Variants in GPR151 observed in about 807,000 individuals in gnomAD.
GPR151 encodes G-protein coupled receptor PGR7.
In GPR151, 16 loss-of-function variants were observed where a neutral mutation model predicts 18.2. The ratio of observed to expected loss-of-function variants is 0.88; its 90% CI spans 0.60 to 1.34. The LOEUF (loss-of-function observed/expected upper bound fraction) is 1.34. Among genes scored for constraint, GPR151 ranks in the 40% most tolerant of loss-of-function variants. The pLI is 0.00. For missense variants in GPR151, 509 were observed against 504.3 expected, an observed-to-expected ratio of 1.01 and a Z score of -0.09; for synonymous variants, 202 against 191.2, an observed-to-expected ratio of 1.06 and a Z score of -0.47.
In GPR151 at chr5:146,513,279, C is replaced by A. The variant is rs1477462824; in HGVS notation, c.*1575G>T. The stretch of plus-strand genomic sequence containing the variant: ...ATATCACAAGACAATATTTTGGATT[C>A]TTGGGTTAAATTTTACTTTATTTGA... On this transcript the variant is annotated 3_prime_UTR_variant, in exon 1 of 1. Transcript: ENST00000311104. 1 of 152,040 alleles carries A rather than the reference C, an allele frequency of 6.6e-6. No individual in the cohort carries two copies. The highest frequency in any genetic ancestry group is 1.5e-5 in the Non-Finnish European group (1 of 68,004). The allele number at this position is 152,040 out of a possible 1,614,324, so 9.4% of individuals were successfully genotyped here.
In GPR151 at chr5:146,515,184, C is replaced by G. The variant is rs746920278; in HGVS notation, c.930G>C (p.Ser310=). The change falls in exon 1 of 1, where the codon TCG becomes TCC. Residue 310 remains serine, a synonymous_variant. Coordinates refer to ENST00000311104, the MANE Select transcript of GPR151 (RefSeq NM_194251.3). ...CTTTCAAGCCTTCCCTGAACTCTTC[C>G]GACATCACAAGAAAAATGAGAGGAT... The part of the protein sequence containing the change: ...SANPLIFLVM[S]EEFREGLKGV... 2 of 1,614,040 alleles carry G rather than the reference C, an allele frequency of 1.2e-6. No individual in the cohort carries two copies. The highest frequency in any genetic ancestry group is 8.5e-7 in the Non-Finnish European group (1 of 1,180,004).
At position 146,516,158 on chromosome 5, in the gene GPR151, T is replaced by G. The variant is rs774363394; in HGVS notation, c.-45A>C. The G allele has an allele frequency of 1.3e-6, 2 of 1,542,744 alleles. No individual in the cohort carries two copies. Among genetic ancestry groups the G allele is most frequent in the Non-Finnish European group, 1.7e-6 (2 of 1,143,606 alleles). Reference sequence around the variant, plus strand: ...CAGAAGTTAGATTCTTATTTAGGTTTGTCTTTCTGCCTGGGCTCTTTTGCA... The same window carrying G: ...CAGAAGTTAGATTCTTATTTAGGTTGGTCTTTCTGCCTGGGCTCTTTTGCA... On this transcript the variant is annotated 5_prime_UTR_variant, in exon 1 of 1. Coordinates refer to ENST00000311104, the MANE Select transcript of GPR151 (RefSeq NM_194251.3).
In GPR151 at chr5:146,516,015, C is replaced by G; in HGVS notation, c.99G>C (p.Gln33His). 1 of 1,613,986 alleles carries G rather than the reference C, an allele frequency of 6.2e-7. No individual in the cohort carries two copies. Among genetic ancestry groups the G allele is most frequent in the Non-Finnish European group, 8.5e-7 (1 of 1,179,986 alleles). Residue 33 changes from glutamine to histidine, a missense_variant, in exon 1 of 1, where the codon CAG becomes CAC. Physicochemically the swap from Gln to His is conservative, Grantham distance 24 (BLOSUM62 0). Coordinates refer to ENST00000311104, the MANE Select transcript of GPR151 (RefSeq NM_194251.3). ...FAGGYLPSDS[Q>H]DWRTIIPALL... ...GAGCCGGGATGATGGTTCTCCAGTC[C>G]TGGGAATCAGAGGGCAGGTACCCTC...
In GPR151 at chr5:146,515,086, G is replaced by A; in HGVS notation, c.1028C>T (p.Ser343Leu). 6.2e-7 allele frequency: 1 copy of A among 1,614,164 alleles called. No homozygotes were observed. Among genetic ancestry groups the A allele is most frequent in the East Asian group, 2.2e-5 (1 of 44,882 alleles). ...SESQETPAGNSEGLPDKVPSP... is the reference protein window; with the variant it reads ...SESQETPAGNLEGLPDKVPSP... ...TGGAACCTTGTCAGGAAGACCCTCT[G>A]AGTTGCCAGCTGGTGTTTCCTGAGA... The change falls in exon 1 of 1, where the codon TCA becomes TTA. Residue 343 changes from serine (S) to leucine (L), a missense_variant. By Grantham distance (145) the Ser-to-Leu change is moderately radical. Transcript: ENST00000311104.
At position 146,514,928 on chromosome 5, in the gene GPR151, CTG is replaced by C. The variant is rs751926840; in HGVS notation, c.1184_1185del (p.Thr395SerfsTer8). ...GGGTCATTGTCCTGTACAGAAGGGA[CTG>C]TGTCCCTCTCATGCCAAAACTGCTC... is the stretch of plus-strand genomic sequence containing the variant. ...DVEQFWHERDTVPSVQDNDPI... is the reference protein window; with the variant it reads ...DVEQFWHERDXVPSVQDNDPI... On this transcript the variant is annotated frameshift_variant, in exon 1 of 1. Transcript: ENST00000311104. LOFTEE classifies it high-confidence loss of function. 251 of 1,613,780 alleles carry C rather than the reference CTG, an allele frequency of 1.6e-4. No individual in the cohort carries two copies. Among genetic ancestry groups the C allele is most frequent in the Non-Finnish European group, 2.0e-4 (234 of 1,179,662 alleles).
In GPR151 at chr5:146,516,090, G is replaced by A; in HGVS notation, c.24C>T (p.Asp8=). 4 of 1,612,306 alleles carry A rather than the reference G, an allele frequency of 2.5e-6. No individual in the cohort carries two copies. The highest frequency in any genetic ancestry group is 3.4e-6 in the Non-Finnish European group (4 of 1,179,276). ...ACACATTCATGCTGCTGGAGTTAGA[G>A]TCTGCAAAGGCAGCTGCCAGCATCA... The part of the protein sequence containing the change: MLAAAFA[D]SNSSSMNVSF... Residue 8 remains aspartate (D), a synonymous_variant, in exon 1 of 1, where the codon GAC becomes GAT. Transcript: ENST00000311104.
Position 146,515,153 on chromosome 5 carries a change from A to G in GPR151, c.961T>C (p.Trp321Arg), listed in dbSNP as rs1768584559. 1.9e-6 allele frequency: 3 copies of G among 1,614,070 alleles called. No homozygotes were observed. Among genetic ancestry groups the G allele is most frequent in the Non-Finnish European group, 2.5e-6 (3 of 1,179,996 alleles). Reference protein sequence around the residue: ...EEFREGLKGVWKWMITKKPPT... With the variant: ...EEFREGLKGVRKWMITKKPPT... Reference sequence around the variant, plus strand: ...GGTTTTTTGGTTATCATCCATTTCCATACACCTTTCAAGCCTTCCCTGAAC... The same window carrying G: ...GGTTTTTTGGTTATCATCCATTTCCGTACACCTTTCAAGCCTTCCCTGAAC... Residue 321 changes from tryptophan (W) to arginine (R), a missense_variant, in exon 1 of 1, where the codon TGG becomes CGG. Trp to Arg is a moderately radical substitution (Grantham distance 101). Transcript: ENST00000311104.
Position 146,514,729 on chromosome 5 carries a change from A to G in GPR151, c.*125T>C. 1.5e-6 allele frequency: 1 copy of G among 666,960 alleles called. No individual in the cohort carries two copies. The highest frequency in any genetic ancestry group is 2.5e-6 in the Non-Finnish European group (1 of 402,300). The allele number at this position is 666,960 out of a possible 1,614,324, so 41.3% of individuals were successfully genotyped here. A position where few individuals can be genotyped will look rare whatever the true frequency, so the allele number is the denominator to read the frequency against. ...CACATTGCACATTTGGAAAGTGTAGATTGTGAAATATTTTTATAATTCCTA... is the reference window on the plus strand; with the variant it reads ...CACATTGCACATTTGGAAAGTGTAGGTTGTGAAATATTTTTATAATTCCTA... On this transcript the variant is annotated 3_prime_UTR_variant, in exon 1 of 1. Transcript: ENST00000311104.
chr5:146,516,149 A>G lies in GPR151; in HGVS notation c.-36T>C, dbSNP rs372753205. On this transcript the variant is annotated 5_prime_UTR_variant, in exon 1 of 1. Coordinates refer to ENST00000311104, the MANE Select transcript of GPR151 (RefSeq NM_194251.3). ...AGCTTCTTACAGAAGTTAGATTCTT[A>G]TTTAGGTTTGTCTTTCTGCCTGGGC... 48 of 1,562,046 alleles carry G rather than the reference A, an allele frequency of 3.1e-5. No individual in the cohort carries two copies. In the African/African-American group the frequency reaches 3.7e-4, roughly 12 times the overall value.
chr5:146,515,864 C>A lies in GPR151; in HGVS notation c.250G>T (p.Asp84Tyr). 1 of 1,614,180 alleles carries A rather than the reference C, an allele frequency of 6.2e-7. No individual in the cohort carries two copies. The highest frequency in any genetic ancestry group is 8.5e-7 in the Non-Finnish European group (1 of 1,180,030). The part of the protein sequence containing the change: ...HSLILNLSLA[D>Y]LSLLLFSAPI... Reference sequence around the variant, plus strand: ...GCAGAAAACAGCAGGAGGGAGAGATCAGCCAGGCTGAGATTCAGAATCAGG... The same window carrying A: ...GCAGAAAACAGCAGGAGGGAGAGATAAGCCAGGCTGAGATTCAGAATCAGG... Residue 84 changes from aspartate (D) to tyrosine (Y), a missense_variant, in exon 1 of 1, where the codon GAT (aspartate) becomes TAT (tyrosine). By Grantham distance (160) the Asp-to-Tyr change is radical (BLOSUM62 -3). Transcript: ENST00000311104.
rs1287515919 is a variant in GPR151 at position 146,514,383 on chromosome 5, T to TA, written c.*470dup. ...GCATTAAAATTTATCATTAATGTGTTAAAAATCTCAAGTGAAAGTAGATTT... is the reference window on the plus strand; with the variant it reads ...GCATTAAAATTTATCATTAATGTGTTAAAAAATCTCAAGTGAAAGTAGATTT... On this transcript the variant is annotated 3_prime_UTR_variant, in exon 1 of 1. Coordinates refer to ENST00000311104, the MANE Select transcript of GPR151 (RefSeq NM_194251.3). The TA allele has an allele frequency of 2.6e-5, 4 of 154,684 alleles. No individual in the cohort carries two copies. The highest frequency in any genetic ancestry group is 5.7e-5 in the Non-Finnish European group (4 of 69,714). The allele number at this position is 154,684 out of a possible 1,614,324, so 9.6% of individuals were successfully genotyped here. A position where few individuals can be genotyped will look rare whatever the true frequency, so the allele number is the denominator to read the frequency against.
chr5:146,515,908 T>G lies in GPR151; in HGVS notation c.206A>C (p.Lys69Thr). ...GILLHNAWKGKPSMIHSLILN... is the reference protein window; with the variant it reads ...GILLHNAWKGTPSMIHSLILN... The stretch of plus-strand genomic sequence containing the variant: ...AATCAGGGAGTGGATCATGGATGGC[T>G]TTCCTTTCCAAGCATTGTGAAGGAG... Residue 69 changes from lysine (K) to threonine (T), a missense_variant, in exon 1 of 1, where the codon AAG (lysine) becomes ACG (threonine). Lys to Thr is a moderately conservative substitution (Grantham distance 78). Transcript: ENST00000311104. The G allele has an allele frequency of 6.2e-7, 1 of 1,614,080 alleles. No homozygotes were observed. The highest frequency in any genetic ancestry group is 1.1e-5 in the South Asian group (1 of 91,066).
rs764736941 is a variant in GPR151 at position 146,515,527 on chromosome 5, T to C, written c.587A>G (p.Glu196Gly). Residue 196 changes from glutamate (E) to glycine (G), a missense_variant, in exon 1 of 1, where the codon GAA (glutamate) becomes GGA (glycine). Glu to Gly is a moderately conservative substitution (Grantham distance 98, BLOSUM62 -2). Transcript: ENST00000311104. The stretch of plus-strand genomic sequence containing the variant: ...CTTACCAAACATCGACATAAACTCT[T>C]CAGCCACAGCTGGTACATCCACGAG... Reference protein sequence around the residue: ...MCLVDVPAVAEEFMSMFGKLY... With the variant: ...MCLVDVPAVAGEFMSMFGKLY... 1.4e-5 allele frequency: 22 copies of C among 1,614,044 alleles called. No homozygotes were observed. Among genetic ancestry groups the C allele is most frequent in the Admixed American group, 3.3e-5 (2 of 60,008 alleles).
chr5:146,515,571 A>G lies in GPR151; in HGVS notation c.543T>C (p.His181=), dbSNP rs760600394. The G allele has an allele frequency of 5.0e-6, 8 of 1,614,158 alleles. No homozygotes were observed. The East Asian group carries it at 1.3e-4, about 27-fold the overall frequency. The change falls in exon 1 of 1, where the codon CAT becomes CAC. Residue 181 remains histidine (H), a synonymous_variant. Coordinates refer to ENST00000311104, the MANE Select transcript of GPR151 (RefSeq NM_194251.3). ...PEWFFSTIRH[H]EGVEMCLVDV... The stretch of plus-strand genomic sequence containing the variant: ...CCACGAGGCACATTTCCACACCTTC[A>G]TGATGCCTGATGGTGCTAAAGAACC...
In GPR151 at chr5:146,515,276, C is replaced by T. The variant is rs553570656; in HGVS notation, c.838G>A (p.Gly280Ser). ...WLWVWHLKAA[G>S]PAPPQGFIAL... Reference sequence around the variant, plus strand: ...ATGAAACCTTGTGGTGGGGCCGGGCCTGCAGCCTTCAGATGCCATACCCAC... The same window carrying T: ...ATGAAACCTTGTGGTGGGGCCGGGCTTGCAGCCTTCAGATGCCATACCCAC... Residue 280 changes from glycine (G) to serine (S), a missense_variant, in exon 1 of 1, where the codon GGC (glycine) becomes AGC (serine). Gly to Ser is a moderately conservative substitution (Grantham distance 56). Coordinates refer to ENST00000311104, the MANE Select transcript of GPR151 (RefSeq NM_194251.3). The T allele has an allele frequency of 1.1e-5, 18 of 1,614,216 alleles. No homozygotes were observed. In the Admixed American group the frequency reaches 2.8e-4, roughly 25 times the overall value.
Position 146,515,069 on chromosome 5 carries a change from T to C in GPR151, c.1045A>G (p.Lys349Glu), listed in dbSNP as rs1768581506. ...PAGNSEGLPD[K>E]VPSPESPASI... ...GCTGGGGATTCTGGAGATGGAACCTTGTCAGGAAGACCCTCTGAGTTGCCA... is the reference window on the plus strand; with the variant it reads ...GCTGGGGATTCTGGAGATGGAACCTCGTCAGGAAGACCCTCTGAGTTGCCA... The change falls in exon 1 of 1, where the codon AAG becomes GAG. Residue 349 changes from lysine to glutamate, a missense_variant. Transcript: ENST00000311104. The C allele has an allele frequency of 1.9e-6, 3 of 1,614,082 alleles. No homozygotes were observed. The South Asian group carries it at 3.3e-5, about 18-fold the overall frequency.
In GPR151 at chr5:146,515,607, G is replaced by T; in HGVS notation, c.507C>A (p.Pro169=). Residue 169 remains proline, a synonymous_variant, in exon 1 of 1, where the codon CCC becomes CCA. Coordinates refer to ENST00000311104, the MANE Select transcript of GPR151 (RefSeq NM_194251.3). The stretch of plus-strand genomic sequence containing the variant: ...TGGTGCTAAAGAACCATTCCGGCAG[G>T]GGTAACAGGCTAGCCACAGTCCAGA... ...VAIWTVASLL[P]LPEWFFSTIR... The T allele has an allele frequency of 6.2e-7, 1 of 1,614,142 alleles. No individual in the cohort carries two copies. Among genetic ancestry groups the T allele is most frequent in the South Asian group, 1.1e-5 (1 of 91,078 alleles).
Position 146,515,786 on chromosome 5 carries a change from C to T in GPR151, c.328G>A (p.Val110Ile). 1 of 1,614,204 alleles carries T rather than the reference C, an allele frequency of 6.2e-7. No homozygotes were observed. Among genetic ancestry groups the T allele is most frequent in the Non-Finnish European group, 8.5e-7 (1 of 1,180,034 alleles). Residue 110 changes from valine (V) to isoleucine (I), a missense_variant, in exon 1 of 1, where the codon GTC becomes ATC. By Grantham distance (29) the Val-to-Ile change is conservative. Coordinates refer to ENST00000311104, the MANE Select transcript of GPR151 (RefSeq NM_194251.3). ...ATAAACCAGTCAGAGGACTTGCAGA[C>T]AAACCAGCCTAGATCCCAAACACTT... is the stretch of plus-strand genomic sequence containing the variant. ...SKSVWDLGWF[V>I]CKSSDWFIHT...
rs368315441 is a variant in GPR151 at position 146,514,926 on chromosome 5, G to A, written c.1188C>T (p.Val396=). 2 of 1,613,700 alleles carry A rather than the reference G, an allele frequency of 1.2e-6. No homozygotes were observed. Among genetic ancestry groups the A allele is most frequent in the South Asian group, 2.2e-5 (2 of 91,062 alleles). The part of the protein sequence containing the change: ...VEQFWHERDT[V]PSVQDNDPIP... ...TAGGGTCATTGTCCTGTACAGAAGG[G>A]ACTGTGTCCCTCTCATGCCAAAACT... Residue 396 remains valine (V), a synonymous_variant, in exon 1 of 1, where the codon GTC becomes GTT. Transcript: ENST00000311104.
Sources: gnomAD v4.1 joint callset for allele counts on GRCh38, gnomAD v4.1.1 for gene constraint, MANE v1.5 for transcripts, NCBI Gene and HGNC (gene_info 2026-07-23, HGNC 2026-07-21) for gene names.